The following SMAP1 variants were observed in gnomAD, a reference collection of about 807,000 sequenced individuals.
The protein encoded by SMAP1 is stromal membrane-associated protein 1.
A neutral mutation model predicts 58.5 loss-of-function variants in SMAP1; 24 were observed. That is an observed-to-expected ratio of 0.41 (90% CI 0.30 to 0.58). The LOEUF is 0.58. Ranked by LOEUF, SMAP1 falls within the 20% of genes least tolerant of loss-of-function variation. The pLI is 0.29. For synonymous variants in SMAP1, 216 were observed against 196.6 expected (o/e 1.10, Z -0.82); for missense variants, 563 against 566.3 (o/e 0.99, Z 0.06).
chr6:70,820,944 G>A (rs1769862598), intron 6 of SMAP1, among the ~76,000 whole-genome samples: 1 of 152,082 alleles, frequency 6.6e-6, no homozygotes, highest in East Asian at 1.9e-4. Context: ...AGTAACAGTG[G>A]TTCAAGGGAA....
intron 6 of SMAP1, among the ~76,000 whole-genome samples, chr6:70,799,030 G>T (rs981523443): frequency 6.6e-6 from 1 of 152,028 alleles, no homozygotes; most frequent in Admixed American, 6.6e-5. Flanking sequence ...AGACTTAGAA[G>T]ACTTAGAATT....
chr6:70,690,706 A>ATT (rs201211170), intron 1 of SMAP1, among the ~76,000 whole-genome samples: 10,719 of 146,172 alleles, frequency 0.073, 525 homozygotes, highest in Non-Finnish European at 0.11. Flanking sequence ...ATATATATAT[A>ATT]TATTTTTGAA....
intron 6 of SMAP1, among the ~76,000 whole-genome samples, chr6:70,825,755 G>A (rs1770088303): frequency 6.6e-6 from 1 of 152,132 alleles, no homozygotes; most frequent in Non-Finnish European, 1.5e-5. Flanking sequence ...GTGAAAGCAG[G>A]CACTATTAAA....
At chr6:70,777,409 G>A (rs1247250077) in intron 4 of SMAP1, among the ~76,000 whole-genome samples, 2 of 151,938 alleles carry the variant, frequency 1.3e-5, no homozygotes, top group Non-Finnish European at 2.9e-5. Context: ...GGCCATTTTT[G>A]TGTCTTTTGA....
At chr6:70,793,673 A>AGAGAGAG (rs1768467436) in intron 5 of SMAP1, among the ~76,000 whole-genome samples, 2 of 149,596 alleles carry the variant, frequency 1.3e-5, no homozygotes, top group Non-Finnish European at 1.5e-5. Flanking sequence ...AGAGAGAGAG[A>AGAGAGAG]AAGCTTAAAA....
chr6:70,856,972 C>G lies in SMAP1; in HGVS notation c.903C>G (p.Ser301=). ...KSEEVAKKQL[S]KDSILSLYGT... is the part of the protein sequence containing the mutation. ...AAGAAGTGGCAAAGAAACAACTTTC[C>G]AAAGACTCCATCTTATCTCTGTATG... The change falls in exon 9 of 11, where the codon TCC becomes TCG. Residue 301 remains serine, a synonymous_variant. Coordinates refer to ENST00000370455, the MANE Select transcript of SMAP1 (RefSeq NM_001044305.3). The G allele has an allele frequency of 6.2e-7, 1 of 1,613,936 alleles. No individual in the cohort carries two copies. Among genetic ancestry groups the G allele is most frequent in the Non-Finnish European group, 8.5e-7 (1 of 1,179,878 alleles).
At chr6:70,697,314 T>A (rs1767444546) in intron 1 of SMAP1, among the ~76,000 whole-genome samples, 1 of 151,970 alleles carries the variant, frequency 6.6e-6, no homozygotes, top group South Asian at 2.1e-4. Flanking sequence ...TATTCCTTTT[T>A]TTTTTTTTGA....
chr6:70,727,244 G>A (rs1768832765), intron 1 of SMAP1, among the ~76,000 whole-genome samples: 1 of 152,082 alleles, frequency 6.6e-6, no homozygotes, highest in South Asian at 2.1e-4. Flanking sequence ...GAGTAGCTGG[G>A]ACTACAGGCA....
intron 2 of SMAP1, among the ~76,000 whole-genome samples, chr6:70,746,311 G>T (rs1766031019): frequency 6.6e-6 from 1 of 152,118 alleles, no homozygotes; most frequent in Admixed American, 6.5e-5. Context: ...CTGTGGGTTT[G>T]TCATAAATAG....
intron 1 of SMAP1, among the ~76,000 whole-genome samples, chr6:70,706,453 A>G (rs1767840526): frequency 1.3e-5 from 2 of 152,182 alleles, no homozygotes. Flanking sequence ...TGGAACAGAC[A>G]TACCTTAGTA....
intron 3 of SMAP1, chr6:70,759,973 T>C: frequency 2.9e-6 from 1 of 345,378 alleles, no homozygotes; most frequent in Middle Eastern, 3.9e-4. Flanking sequence ...CATAATATTT[T>C]CTTTTGTGGG....
chr6:70,816,085 C>T (rs1769617929), intron 6 of SMAP1, among the ~76,000 whole-genome samples: 1 of 152,050 alleles, frequency 6.6e-6, no homozygotes, highest in East Asian at 1.9e-4. Flanking sequence ...TGAGAGATAT[C>T]ATGTTGAGAT....
At chr6:70,716,191 T>C (rs1256396030) in intron 1 of SMAP1, among the ~76,000 whole-genome samples, 1 of 152,214 alleles carries the variant, frequency 6.6e-6, no homozygotes, top group Non-Finnish European at 1.5e-5. Flanking sequence ...ATGCATGTAT[T>C]GTGCACTTTA....
At chr6:70,728,117 T>G (rs1190882660) in intron 1 of SMAP1, among the ~76,000 whole-genome samples, 1 of 152,146 alleles carries the variant, frequency 6.6e-6, no homozygotes, top group Non-Finnish European at 1.5e-5. Context: ...TCCTTCACAT[T>G]GGTCTGGACA....
chr6:70,736,222 T>G (rs1374386195), intron 2 of SMAP1, among the ~76,000 whole-genome samples: 1 of 152,240 alleles, frequency 6.6e-6, no homozygotes, highest in Non-Finnish European at 1.5e-5. Context: ...CTTTGATTTT[T>G]AATAACATAG....
chr6:70,754,572 C>A (rs111953334), intron 2 of SMAP1, among the ~76,000 whole-genome samples: 3,302 of 152,102 alleles, frequency 0.022, 138 homozygotes, highest in African/African-American at 0.076. Context: ...TCAGTAGAAT[C>A]CCAGGGTATT....
intron 3 of SMAP1, among the ~76,000 whole-genome samples, chr6:70,763,464 C>T (rs535003097): frequency 8.5e-5 from 13 of 152,188 alleles, no homozygotes; most frequent in Admixed American, 3.9e-4. Context: ...CTCTGCACTC[C>T]GTATTCTGTG....
In SMAP1 at chr6:70,860,282, G is replaced by A; in HGVS notation, c.1352G>A (p.Gly451Glu). ...GFGQPSSTTA[G>E]WSGSSSGQTL... ...GGCCAGCCCTCCAGCACAACAGCAGGATGGTCTGGAAGCTCATCAGGTCAG... is the reference window on the plus strand; with the variant it reads ...GGCCAGCCCTCCAGCACAACAGCAGAATGGTCTGGAAGCTCATCAGGTCAG... Residue 451 changes from glycine (G) to glutamate (E), a missense_variant, in exon 11 of 11, where the codon GGA becomes GAA. This residue lies in a region of SMAP1 where 494 missense variants were observed against 473.8 expected (regional missense o/e 1.04). Coordinates refer to ENST00000370455, the MANE Select transcript of SMAP1 (RefSeq NM_001044305.3). The A allele has an allele frequency of 6.2e-7, 1 of 1,613,796 alleles. No individual in the cohort carries two copies. Among genetic ancestry groups the A allele is most frequent in the Non-Finnish European group, 8.5e-7 (1 of 1,179,844 alleles).
At chr6:70,759,342 G>A (rs1054875805) in intron 3 of SMAP1, among the ~76,000 whole-genome samples, 2 of 152,120 alleles carry the variant, frequency 1.3e-5, no homozygotes, top group Admixed American at 6.6e-5. Context: ...TCCTTTTCTG[G>A]AAGTTTGTGT....
Sources: gnomAD v4.1 joint callset for allele counts (sites outside exome capture counted in the v4.1 genomes callset) on GRCh38, gnomAD v4.1.1 for gene constraint, gnomAD v4.1.1 regional missense constraint, MANE v1.5 for transcripts, NCBI Gene and HGNC (gene_info 2026-07-23, HGNC 2026-07-21) for gene names.